Variants in SHC3 observed in about 807,000 individuals in gnomAD.
The protein encoded by SHC3 is SHC adaptor protein 3.
A neutral mutation model predicts 60.4 loss-of-function variants in SHC3; 15 were observed. That is an observed-to-expected ratio of 0.25 (90% confidence interval 0.17 to 0.38). SHC3 has a LOEUF of 0.38. Ranked by LOEUF, SHC3 falls within the 10% of genes least tolerant of loss-of-function variation. The probability of loss-of-function intolerance (pLI) is 1.00; values close to 1 mark genes in which losing one functional copy is unlikely to be tolerated. For synonymous variants in SHC3, 294 were observed against 325.9 expected (o/e 0.90, Z 1.05); for missense variants, 677 against 786.1 (o/e 0.86, Z 1.66).
chr9:89,155,434 G>T (rs1314810399), intron 1 of SHC3, among the ~76,000 whole-genome samples: 2 of 152,108 alleles, frequency 1.3e-5, no homozygotes, highest in African/African-American at 4.8e-5. Context: ...TGGTCTTGGG[G>T]GTCTCAGCTC....
At chr9:89,091,718 C>T (rs1825624165) in intron 2 of SHC3, among the ~76,000 whole-genome samples, 3 of 152,112 alleles carry the variant, frequency 2.0e-5, no homozygotes, top group Admixed American at 2.0e-4. Context: ...TTTCATCTTC[C>T]CCAACTGAAC....
intron 1 of SHC3, among the ~76,000 whole-genome samples, chr9:89,113,750 A>G (rs12347919): frequency 0.026 from 3,946 of 152,304 alleles, 76 homozygotes; most frequent in Middle Eastern, 0.068. Flanking sequence ...CAAAAACATC[A>G]TCATGGAATT....
intron 1 of SHC3, among the ~76,000 whole-genome samples, chr9:89,166,422 TG>T (rs1175865142): frequency 6.6e-6 from 1 of 152,058 alleles, no homozygotes; most frequent in Non-Finnish European, 1.5e-5. Context: ...CACTAGTGAA[TG>T]GGTGGATGGG....
At chr9:89,100,056 A>G (rs1005172748) in intron 2 of SHC3, among the ~76,000 whole-genome samples, 15 of 152,234 alleles carry the variant, frequency 9.9e-5, no homozygotes, top group Admixed American at 9.2e-4. Flanking sequence ...TGTAGAATTC[A>G]TTAATTGACC....
intron 10 of SHC3, among the ~76,000 whole-genome samples, chr9:89,039,226 C>T (rs1463841240): frequency 6.6e-6 from 1 of 152,232 alleles, no homozygotes; most frequent in African/African-American, 2.4e-5. Context: ...AGCATAACTA[C>T]ACCCTCAGAG....
At chr9:89,077,929 T>C in intron 2 of SHC3, 26 bp from the exon 3 acceptor site, 1 of 1,613,914 alleles carries the variant, frequency 6.2e-7, no homozygotes. Context: ...AAAAGCAATT[T>C]TATTACGTGT....
chr9:89,161,388 A>G (rs1268157485), intron 1 of SHC3, among the ~76,000 whole-genome samples: 1 of 152,138 alleles, frequency 6.6e-6, no homozygotes, highest in Non-Finnish European at 1.5e-5. Flanking sequence ...GTCTCCCCAG[A>G]AGCTTAGCAG....
chr9:89,133,837 C>A (rs1564169753), intron 1 of SHC3, among the ~76,000 whole-genome samples: 1 of 152,100 alleles, frequency 6.6e-6, no homozygotes, highest in Non-Finnish European at 1.5e-5. Flanking sequence ...GTGCAGCACA[C>A]CAACATGGCA....
chr9:89,019,152 G>A (rs1444094708), intron 11 of SHC3, among the ~76,000 whole-genome samples: 1 of 151,806 alleles, frequency 6.6e-6, no homozygotes, highest in Non-Finnish European at 1.5e-5. Context: ...AACAAGACAA[G>A]GATATTCCCT....
At chr9:89,148,770 T>C (rs146424801) in intron 1 of SHC3, among the ~76,000 whole-genome samples, 341 of 152,310 alleles carry the variant, frequency 2.2e-3, no homozygotes, top group African/African-American at 7.7e-3. Flanking sequence ...AGCACTCACA[T>C]AGAAGAAGAA....
chr9:89,078,504 C>T (rs1452095581), intron 2 of SHC3, among the ~76,000 whole-genome samples: 2 of 151,940 alleles, frequency 1.3e-5, no homozygotes, highest in Non-Finnish European at 2.9e-5. Context: ...CATGGAACCG[C>T]ACTGGTGAGG....
At chr9:89,057,120 G>T (rs944098286) in intron 6 of SHC3, among the ~76,000 whole-genome samples, 2 of 152,194 alleles carry the variant, frequency 1.3e-5, no homozygotes, top group African/African-American at 2.4e-5. Flanking sequence ...CTCAAATGAG[G>T]AAATGTCCTG....
At chr9:89,131,287 G>C (rs947103503) in intron 1 of SHC3, among the ~76,000 whole-genome samples, 4 of 152,086 alleles carry the variant, frequency 2.6e-5, no homozygotes, top group African/African-American at 9.7e-5. Flanking sequence ...ACCAAAAAAA[G>C]TCCAAGACCA....
At chr9:89,076,979 C>T (rs546311067) in intron 3 of SHC3, among the ~76,000 whole-genome samples, 5 of 151,920 alleles carry the variant, frequency 3.3e-5, no homozygotes, top group African/African-American at 1.2e-4. Flanking sequence ...GAGGTCGAGA[C>T]CATCCTGGCC....
At chr9:89,109,330 G>T in intron 2 of SHC3, 1 of 870,268 alleles carries the variant, frequency 1.1e-6, no homozygotes, top group Non-Finnish European at 1.4e-6. Context: ...ATGCAGTCTG[G>T]TTGGCCCCTC....
In SHC3 at chr9:89,081,847, C is replaced by T. The variant is rs191525258; in HGVS notation, c.546-3944G>A. ...CCCTCCCTAAGGCCTGCCTAGGGAA[C>T]CTCCAGGTGGCCACGGAAGAAAGTG... On this transcript the variant is annotated intron_variant, in intron 2 of 11. Coordinates refer to ENST00000375835, the MANE Select transcript of SHC3 (RefSeq NM_016848.6). Among the ~76,000 whole-genome samples, 160 of 152,296 alleles carry T rather than the reference C, an allele frequency of 1.1e-3. 1 individual carries two copies. Among genetic ancestry groups the T allele is most frequent in the African/African-American group, 3.5e-3 (146 of 41,564 alleles).
chr9:89,168,697 C>G (rs1826826093), intron 1 of SHC3, among the ~76,000 whole-genome samples: 1 of 152,112 alleles, frequency 6.6e-6, no homozygotes, highest in East Asian at 1.9e-4. Context: ...ATGAGATGCC[C>G]AGATATTTGG....
intron 11 of SHC3, among the ~76,000 whole-genome samples, chr9:89,030,118 A>G (rs1349683033): frequency 6.6e-6 from 1 of 152,162 alleles, no homozygotes; most frequent in Non-Finnish European, 1.5e-5. Context: ...GAAGCAAAAA[A>G]TGTTACTAGA....
intron 11 of SHC3, chr9:89,037,533 G>A (rs1032214313): frequency 2.4e-5 from 17 of 716,896 alleles, no homozygotes; most frequent in East Asian, 2.1e-4. Context: ...TTCTCTAAAC[G>A]GGAAAACAAG....
Sources: gnomAD v4.1 joint callset for allele counts (sites outside exome capture counted in the v4.1 genomes callset) on GRCh38, gnomAD v4.1.1 for gene constraint, MANE v1.5 for transcripts, NCBI Gene and HGNC (gene_info 2026-07-23, HGNC 2026-07-21) for gene names.